The following SYNE1 variants were observed in gnomAD, a reference collection of about 807,000 sequenced individuals.
The protein encoded by SYNE1 is spectrin repeat containing nuclear envelope protein 1.
In SYNE1, 616 loss-of-function variants were observed where a neutral mutation model predicts 1,111.0. The observed-to-expected ratio is 0.55, with a 90% CI of 0.52 to 0.59. The LOEUF is 0.59. SYNE1 is among the 20% of genes least tolerant of loss of function. The pLI is 0.00. For synonymous variants in SYNE1, 3,855 were observed against 3,825.8 expected (o/e 1.01, Z -0.28); for missense variants, 10,006 against 10,417.0 (o/e 0.96, Z 1.72).
intron 127 of SYNE1, among the ~76,000 whole-genome samples, chr6:152,193,197 A>C (rs2073057924): frequency 6.6e-6 from 1 of 151,764 alleles, no homozygotes. Context: ...GGTATGTTTT[A>C]ATTTGTTGCT....
At chr6:152,473,050 A>C (rs1381555455) in intron 14 of SYNE1, among the ~76,000 whole-genome samples, 1 of 152,190 alleles carries the variant, frequency 6.6e-6, no homozygotes, top group African/African-American at 2.4e-5. Context: ...GGTTTGATTC[A>C]TTTATTTAGG....
intron 95 of SYNE1, among the ~76,000 whole-genome samples, chr6:152,290,996 T>C (rs776997002): frequency 1.7e-4 from 26 of 151,028 alleles, no homozygotes; most frequent in Non-Finnish European, 3.1e-4. Context: ...TGAAATTATA[T>C]ACTAAATTCT....
rs1177266892 is a variant in SYNE1, at chr6:152,164,195, C to T, written c.23758G>A (p.Glu7920Lys). Residue 7920 changes from glutamate (E) to lysine (K), a missense_variant, in exon 131 of 146, where the codon GAA (glutamate) becomes AAA (lysine). This residue lies in a region of SYNE1 where 2,182 missense variants were observed against 2,287.8 expected (regional missense o/e 0.95). Coordinates refer to ENST00000367255, the MANE Select transcript of SYNE1 (RefSeq NM_182961.4). ...TCATTAAGCTTTCTCTGTATTTCTTCCGAGTTACAGGAATCGTAGACTATT... is the reference window on the plus strand; with the variant it reads ...TCATTAAGCTTTCTCTGTATTTCTTTCGAGTTACAGGAATCGTAGACTATT... ...KPIVYDSCNSEEIQRKLNEQQ... is the reference protein window; with the variant it reads ...KPIVYDSCNSKEIQRKLNEQQ... The T allele has an allele frequency of 1.2e-6, 2 of 1,614,060 alleles. No homozygotes were observed. The highest frequency in any genetic ancestry group is 2.7e-5 in the African/African-American group (2 of 74,926).
intron 90 of SYNE1, among the ~76,000 whole-genome samples, chr6:152,309,125 C>T (rs6906189): frequency 0.15 from 22,310 of 152,112 alleles, 1,981 homozygotes; most frequent in Admixed American, 0.29. Flanking sequence ...TCAATACAGC[C>T]TGGGCAACAT....
chr6:152,417,521 C>A (rs73628545), intron 40 of SYNE1, among the ~76,000 whole-genome samples: 12 of 151,748 alleles, frequency 7.9e-5, no homozygotes, highest in South Asian at 2.1e-4. Flanking sequence ...AACAAACAAA[C>A]AAACACAACT....
At chr6:152,295,224 A>G (rs2094812120) in intron 93 of SYNE1, among the ~76,000 whole-genome samples, 1 of 152,168 alleles carries the variant, frequency 6.6e-6, no homozygotes, top group African/African-American at 2.4e-5. Context: ...GATTATATGA[A>G]ATAATATTTG....
intron 6 of SYNE1, among the ~76,000 whole-genome samples, chr6:152,516,061 T>C (rs1008317741): frequency 6.6e-6 from 1 of 152,132 alleles, no homozygotes; most frequent in Non-Finnish European, 1.5e-5. Context: ...TTTCTAAAAA[T>C]ATGATTGAGA....
At chr6:152,493,212 C>T (rs2098980861) in intron 11 of SYNE1, among the ~76,000 whole-genome samples, 1 of 152,092 alleles carries the variant, frequency 6.6e-6, no homozygotes, top group African/African-American at 2.4e-5. Context: ...CATCCCACAA[C>T]AGGCTTTGAG....
At chr6:152,311,775 A>ATTTTTTTTTTTTTTTTTTTTTT (rs762825816) in intron 87 of SYNE1, among the ~76,000 whole-genome samples, 1 of 139,322 alleles carries the variant, frequency 7.2e-6, no homozygotes. Context: ...GCAATAGACT[A>ATTTTTTTTTTTTTTTTTTTTTT]TTTATTTATT....
At chr6:152,520,211 T>C (rs1219682281) in intron 6 of SYNE1, among the ~76,000 whole-genome samples, 1 of 152,192 alleles carries the variant, frequency 6.6e-6, no homozygotes, top group African/African-American at 2.4e-5. Context: ...ATGTCCTTAC[T>C]TTGATAATTG....
At chr6:152,443,778 T>C (rs1275145387) in intron 30 of SYNE1, among the ~76,000 whole-genome samples, 1 of 152,192 alleles carries the variant, frequency 6.6e-6, no homozygotes, top group Non-Finnish European at 1.5e-5. Flanking sequence ...TGAATCAAAT[T>C]TCCATTTATA....
At chr6:152,355,981 AACTATAGATAT>A (rs1356605349) in intron 66 of SYNE1, among the ~76,000 whole-genome samples, 5 of 152,244 alleles carry the variant, frequency 3.3e-5, no homozygotes, top group African/African-American at 1.2e-4. Flanking sequence ...GAAGGAGAAG[AACTATAGATAT>A]ACATGGTAAA....
At chr6:152,254,543 C>T (rs950893478) in intron 104 of SYNE1, among the ~76,000 whole-genome samples, 1 of 152,108 alleles carries the variant, frequency 6.6e-6, no homozygotes, top group Non-Finnish European at 1.5e-5. Context: ...AGCCACTGTG[C>T]CCGGCCATTT....
At position 152,220,883 on chromosome 6, in the gene SYNE1, T is replaced by C; in HGVS notation, c.21820A>G (p.Ile7274Val). 1 of 1,614,160 alleles carries C rather than the reference T, an allele frequency of 6.2e-7. No homozygotes were observed. The highest frequency in any genetic ancestry group is 8.5e-7 in the Non-Finnish European group (1 of 1,179,994). ...ELLKAATNKDIADDEVATWIQ... is the reference protein window; with the variant it reads ...ELLKAATNKDVADDEVATWIQ... Reference sequence around the variant, plus strand: ...CATGTGGCAACCTCATCATCGGCAATGTCCTTGTTTGTGGCTGCCTTCAAC... The same window carrying C: ...CATGTGGCAACCTCATCATCGGCAACGTCCTTGTTTGTGGCTGCCTTCAAC... The change falls in exon 119 of 146, where the codon ATT (isoleucine) becomes GTT (valine). Residue 7274 changes from isoleucine (I) to valine (V), a missense_variant. By Grantham distance (29) the Ile-to-Val change is conservative. Around this residue, in one of 7 missense-constraint regions of SYNE1, gnomAD observed 2,182 missense variants for 2,287.8 expected, o/e 0.95. Transcript: ENST00000367255.
intron 81 of SYNE1, 112 bp downstream of exon 81, chr6:152,324,972 A>C (rs899112147): frequency 7.9e-7 from 1 of 1,258,262 alleles, no homozygotes; most frequent in Non-Finnish European, 1.2e-6. Context: ...GATTTTAAAA[A>C]GCCTTTATTA....
chr6:152,444,583 A>G lies in SYNE1; in HGVS notation c.3670-5T>C. 1 of 1,603,528 alleles carries G rather than the reference A, an allele frequency of 6.2e-7. No individual in the cohort carries two copies. Among genetic ancestry groups the G allele is most frequent in the Non-Finnish European group, 8.5e-7 (1 of 1,176,758 alleles). ...ATTGCTTAGCATCTTTTCAACCTATATTTTCATGAAAAAAAAAAACACGTA... is the reference window on the plus strand; with the variant it reads ...ATTGCTTAGCATCTTTTCAACCTATGTTTTCATGAAAAAAAAAAACACGTA... On this transcript the variant is annotated splice_region_variant and splice_polypyrimidine_tract_variant and intron_variant, in intron 29 of 145. Transcript: ENST00000367255.
At chr6:152,156,845 T>TG (rs1376388038) in intron 131 of SYNE1, among the ~76,000 whole-genome samples, 1 of 152,054 alleles carries the variant, frequency 6.6e-6, no homozygotes, top group African/African-American at 2.4e-5. Flanking sequence ...TTTTTTTTTT[T>TG]GGGATGGAGT....
chr6:152,300,397 C>A (rs1046938491), intron 93 of SYNE1, among the ~76,000 whole-genome samples: 3 of 152,174 alleles, frequency 2.0e-5, no homozygotes, highest in African/African-American at 7.2e-5. Flanking sequence ...TAAAACAGAG[C>A]CTTCTGGGCT....
chr6:152,582,077 C>T (rs2128428798), intron 3 of SYNE1, among the ~76,000 whole-genome samples: 1 of 152,260 alleles, frequency 6.6e-6, no homozygotes, highest in Admixed American at 6.5e-5. Flanking sequence ...AGTTGTATGA[C>T]ATACAGCTTG....
Sources: gnomAD v4.1 joint callset for allele counts (sites outside exome capture counted in the v4.1 genomes callset) on GRCh38, gnomAD v4.1.1 for gene constraint, gnomAD v4.1.1 regional missense constraint, MANE v1.5 for transcripts, NCBI Gene and HGNC (gene_info 2026-07-23, HGNC 2026-07-21) for gene names.